PPP2R2C: variants seen among roughly 807,000 people sequenced by gnomAD.
The protein encoded by PPP2R2C is protein phosphatase 2, regulatory subunit B, gamma.
Under a neutral mutation model 45.3 loss-of-function variants are expected in PPP2R2C, and 10 were observed. The ratio of observed to expected loss-of-function variants is 0.22; its 90% CI spans 0.14 to 0.37. PPP2R2C has a LOEUF of 0.37. Ranked by LOEUF, PPP2R2C falls within the 10% of genes least tolerant of loss-of-function variation. PPP2R2C has a pLI of 1.00. For missense variants in PPP2R2C, 308 were observed against 619.7 expected, an observed-to-expected ratio of 0.50 and a Z score of 5.34; for synonymous variants, 257 against 245.4, an observed-to-expected ratio of 1.05 and a Z score of -0.44.
intron 6 of PPP2R2C, among the ~76,000 whole-genome samples, chr4:6,334,360 G>C (rs1732667754): frequency 6.6e-6 from 1 of 152,172 alleles, no homozygotes; most frequent in South Asian, 2.1e-4. Flanking sequence ...TGGAGCACCT[G>C]CTCTGCACAG....
At chr4:6,336,781 C>T (rs571030584) in intron 6 of PPP2R2C, among the ~76,000 whole-genome samples, 1 of 11,948 alleles carries the variant, frequency 8.4e-5, no homozygotes, top group Non-Finnish European at 1.6e-4. Context: ...CCCTCCTTCC[C>T]TCCCTCCCTC....
chr4:6,562,794 A>G (rs995587640), intron 1 of PPP2R2C, among the ~76,000 whole-genome samples: 1 of 152,136 alleles, frequency 6.6e-6, no homozygotes, highest in African/African-American at 2.4e-5. Flanking sequence ...CTAGGATTCA[A>G]TCCAGGCGGG....
In PPP2R2C at chr4:6,536,078, T is replaced by A. The variant is rs954547177; in HGVS notation, c.-58-701A>T. On this transcript the variant is annotated intron_variant, in intron 1 of 9. Transcript: ENST00000506140. ...TCCTTAGCATCTGACCATCATCTTT[T>A]CCCCACCTCACTCTGTGTAGCCTGA... Among the ~76,000 whole-genome samples the A allele has an allele frequency of 9.2e-5, 14 of 152,150 alleles. 1 individual carries two copies. The highest frequency in any genetic ancestry group is 7.9e-4 in the Admixed American group (12 of 15,282).
In PPP2R2C at chr4:6,378,664, C is replaced by T. The variant is rs1715541042; in HGVS notation, c.169-92G>A. On this transcript the variant is annotated intron_variant, in intron 2 of 8. Transcript: ENST00000382599. The surrounding 1 kb of genome is among the most constrained non-coding windows in gnomAD (Gnocchi z 5.2). ...GGACCCAGCAGGGCCGGCCGTGGGACCAAGTGCCGAGCCGTGCCAGGGATC... is the reference window on the plus strand; with the variant it reads ...GGACCCAGCAGGGCCGGCCGTGGGATCAAGTGCCGAGCCGTGCCAGGGATC... 2 of 1,371,646 alleles carry T rather than the reference C, an allele frequency of 1.5e-6. No homozygotes were observed. The highest frequency in any genetic ancestry group is 1.5e-5 in the African/African-American group (1 of 68,902). 85.0% of individuals were successfully genotyped at this position (1,371,646 alleles called of 1,614,324 possible).
In PPP2R2C at chr4:6,456,862, C is replaced by T. The variant is rs77045646; in HGVS notation, c.70+15298G>A. On this transcript the variant is annotated intron_variant, in intron 1 of 8. Coordinates refer to ENST00000382599, the MANE Select transcript of PPP2R2C (RefSeq NM_020416.4). ...GGGCCCATGCGGTGACCACTCTGAC[C>T]ACTTGGAATGAGTGCAGGCAGTCCT... 1.3e-3 allele frequency among the ~76,000 whole-genome samples: 198 copies of T among 152,334 alleles called. 4 individuals are homozygous for T. The East Asian group carries it at 0.035, about 27-fold the overall frequency.
rs1321886499 is a variant in PPP2R2C at position 6,511,373 on chromosome 4, CGGTGATGGTGGTGAT to C, written c.49+23883_49+23897del. ...ACAGTGATGGTAATGGTGGTGGTGG[CGGTGATGGTGGTGAT>C]GGTGATGGTGGTGATGGTGGTGGTG... On this transcript the variant is annotated intron_variant, in intron 2 of 9. Transcript: ENST00000506140. 9.0e-3 allele frequency among the ~76,000 whole-genome samples: 999 copies of C among 111,582 alleles called. 49 individuals carry two copies. The highest frequency in any genetic ancestry group is 0.077 in the Admixed American group (943 of 12,206). The allele number at this position is 111,582 out of a possible 152,430, so 73.2% of individuals were successfully genotyped here.
At chr4:6,535,305 G>C in exon 2 of PPP2R2C, 1 of 1,535,406 alleles carries the variant, frequency 6.5e-7, no homozygotes, top group Non-Finnish European at 8.7e-7. Context: ...GCCTCAACGT[G>C]TCCGCCTCAC....
At chr4:6,468,189 A>G (rs1267210371) in intron 1 of PPP2R2C, among the ~76,000 whole-genome samples, 1 of 152,208 alleles carries the variant, frequency 6.6e-6, no homozygotes, top group African/African-American at 2.4e-5. Context: ...TCCCCTCTTC[A>G]GTGTGGTTTC....
At chr4:6,543,449 G>A (rs556327091) in intron 1 of PPP2R2C, among the ~76,000 whole-genome samples, 15 of 152,138 alleles carry the variant, frequency 9.9e-5, no homozygotes, top group Admixed American at 2.0e-4. Context: ...CAGGCCAGGC[G>A]TGGTGGTTCA....
intron 1 of PPP2R2C, among the ~76,000 whole-genome samples, chr4:6,560,376 AGCTCCAG>A (rs1409124108): frequency 6.6e-6 from 1 of 152,190 alleles, no homozygotes; most frequent in African/African-American, 2.4e-5. Context: ...AGCAGCAGTG[AGCTCCAG>A]GCCCTTGTTG....
chr4:6,491,362 G>A (rs539576961), intron 2 of PPP2R2C, among the ~76,000 whole-genome samples: 84 of 152,334 alleles, frequency 5.5e-4, no homozygotes, highest in Admixed American at 1.4e-3. Flanking sequence ...GGCTACTGGG[G>A]TATGTCATGG....
At chr4:6,427,304 C>A (rs556250954) in intron 1 of PPP2R2C, among the ~76,000 whole-genome samples, 14 of 152,334 alleles carry the variant, frequency 9.2e-5, no homozygotes, top group Non-Finnish European at 1.5e-4. Flanking sequence ...TCTCAATGCT[C>A]AAACGAGGAC....
chr4:6,501,917 G>A (rs928692736), intron 2 of PPP2R2C, among the ~76,000 whole-genome samples: 1 of 152,204 alleles, frequency 6.6e-6, no homozygotes, highest in Non-Finnish European at 1.5e-5. Flanking sequence ...AGAAAGCCCA[G>A]CACATAGCAG....
intron 2 of PPP2R2C, among the ~76,000 whole-genome samples, chr4:6,512,888 A>G (rs1208621451): frequency 6.6e-6 from 1 of 152,056 alleles, no homozygotes; most frequent in East Asian, 1.9e-4. Flanking sequence ...GGTTCATCTT[A>G]TGATAAAACC....
At chr4:6,468,114 A>G (rs972880691) in intron 1 of PPP2R2C, among the ~76,000 whole-genome samples, 2 of 152,200 alleles carry the variant, frequency 1.3e-5, no homozygotes, top group African/African-American at 4.8e-5. Context: ...TGTTGTGGAG[A>G]TCAGCTGCAA....
intron 1 of PPP2R2C, among the ~76,000 whole-genome samples, chr4:6,409,760 G>A (rs926838063): frequency 1.2e-4 from 18 of 152,146 alleles, no homozygotes; most frequent in Admixed American, 2.0e-4. Context: ...GTGGAGCTGG[G>A]GATAGAGCCA....
chr4:6,397,255 C>T (rs1245004090), intron 1 of PPP2R2C, among the ~76,000 whole-genome samples: 3 of 152,236 alleles, frequency 2.0e-5, no homozygotes, highest in East Asian at 1.9e-4. Flanking sequence ...GAGACCAGGA[C>T]AGGGAGCTGG....
chr4:6,397,056 C>T lies in PPP2R2C; in HGVS notation c.71-15962G>A, dbSNP rs543001013. Among the ~76,000 whole-genome samples, 50 of 152,382 alleles carry T rather than the reference C, an allele frequency of 3.3e-4. 1 individual carries two copies. The South Asian group carries it at 0.01, about 32-fold the overall frequency. On this transcript the variant is annotated intron_variant, in intron 1 of 8. Transcript: ENST00000382599. ...CGAGCCAGCTCTGGCTCACTCTGGG[C>T]CAAGTGAGCCACCTAAGTGCACCCT... is the stretch of plus-strand genomic sequence containing the variant.
chr4:6,425,204 C>A (rs991093599), intron 1 of PPP2R2C, among the ~76,000 whole-genome samples: 6 of 152,182 alleles, frequency 3.9e-5, no homozygotes, highest in African/African-American at 1.4e-4. Flanking sequence ...CCTGTCCCCC[C>A]ACCCTATAAT....
Sources: allele counts gnomAD v4.1 joint callset (sites outside exome capture counted in the v4.1 genomes callset), GRCh38; gene constraint gnomAD v4.1.1; non-coding constraint Gnocchi (gnomAD v3.1); transcripts MANE v1.5; gene names NCBI Gene and HGNC (gene_info 2026-07-23, HGNC 2026-07-21).